ATG7: variants seen among roughly 807,000 people sequenced by gnomAD.
ATG7 encodes the protein ubiquitin-like modifier-activating enzyme ATG7.
A neutral mutation model predicts 82.4 loss-of-function variants in ATG7; 70 were observed. That is an observed-to-expected ratio of 0.85 (90% confidence interval 0.70 to 1.04). ATG7 has a LOEUF of 1.04. Among genes scored for constraint, ATG7 ranks in the 50% least tolerant of loss-of-function variants. ATG7 has a pLI of 0.00. For missense variants in ATG7, 792 were observed against 864.3 expected, an observed-to-expected ratio of 0.92 and a Z score of 1.05; for synonymous variants, 287 against 313.0, an observed-to-expected ratio of 0.92 and a Z score of 0.88.
At chr3:11,303,948 G>T (rs1411183798) in intron 5 of ATG7, among the ~76,000 whole-genome samples, 4 of 149,854 alleles carry the variant, frequency 2.7e-5, no homozygotes, top group Non-Finnish European at 3.0e-5. Context: ...AAAATTAGCC[G>T]GGCGTGGTGG....
chr3:11,517,038 G>A (rs934474362), intron 20 of ATG7, among the ~76,000 whole-genome samples: 17 of 152,072 alleles, frequency 1.1e-4, no homozygotes, highest in African/African-American at 3.6e-4. Context: ...AGCTAAGATC[G>A]CACCACCACA....
At chr3:11,458,290 G>T (rs2085945212) in intron 20 of ATG7, among the ~76,000 whole-genome samples, 1 of 151,966 alleles carries the variant, frequency 6.6e-6, no homozygotes, top group Non-Finnish European at 1.5e-5. Context: ...TTTTGATGGG[G>T]TCTTGCTGTG....
In ATG7 at chr3:11,506,587, C is replaced by CAAAAA. The variant is rs1275955326; in HGVS notation, c.2080-48223_2080-48219dup. ...AAAAAAAAAAAAAAAAAAAAAAACCCAAAAATTAGCTGGGAGTGGTGGCAG... is the reference window on the plus strand; with the variant it reads ...AAAAAAAAAAAAAAAAAAAAAAACCCAAAAAAAAAATTAGCTGGGAGTGGTGGCAG... On this transcript the variant is annotated intron_variant, in intron 20 of 20. Transcript: ENST00000693202. Among the ~76,000 whole-genome samples the CAAAAA allele has an allele frequency of 4.2e-3, 506 of 119,504 alleles. 18 individuals carry two copies. Among genetic ancestry groups the CAAAAA allele is most frequent in the African/African-American group, 0.016 (447 of 28,764 alleles). The allele number at this position is 119,504 out of a possible 152,430, so 78.4% of individuals were successfully genotyped here. A position where few individuals can be genotyped will look rare whatever the true frequency, so the allele number is the denominator to read the frequency against.
chr3:11,463,786 C>T (rs2086568159), intron 20 of ATG7, among the ~76,000 whole-genome samples: 1 of 152,212 alleles, frequency 6.6e-6, no homozygotes, highest in Admixed American at 6.5e-5. Flanking sequence ...AGTTGCCTGG[C>T]ATGCACTGGC....
chr3:11,367,959 C>T (rs766001505), intron 18 of ATG7, among the ~76,000 whole-genome samples: 1 of 151,524 alleles, frequency 6.6e-6, no homozygotes, highest in Non-Finnish European at 1.5e-5. Context: ...AGTCTTATAC[C>T]CAGCACACAG....
chr3:11,305,527 C>G (rs1947580034), intron 5 of ATG7, among the ~76,000 whole-genome samples: 1 of 152,222 alleles, frequency 6.6e-6, no homozygotes, highest in African/African-American at 2.4e-5. Context: ...TGTAGAAGGC[C>G]TAGTTTACCA....
At chr3:11,552,336 C>A (rs1218484520) in intron 20 of ATG7, among the ~76,000 whole-genome samples, 1 of 152,106 alleles carries the variant, frequency 6.6e-6, no homozygotes, top group East Asian at 1.9e-4. Flanking sequence ...TTTTGCCATA[C>A]CCTTGTCGGC....
At chr3:11,363,888 T>C (rs2076430999) in intron 17 of ATG7, among the ~76,000 whole-genome samples, 1 of 152,240 alleles carries the variant, frequency 6.6e-6, no homozygotes, top group Non-Finnish European at 1.5e-5. Flanking sequence ...GTAACTAGTA[T>C]GGGTACTCTG....
chr3:11,426,851 G>A lies in ATG7; in HGVS notation c.2004G>A (p.Val668=), dbSNP rs2082405367. 6.2e-7 allele frequency: 1 copy of A among 1,612,160 alleles called. No individual in the cohort carries two copies. The highest frequency in any genetic ancestry group is 8.5e-7 in the Non-Finnish European group (1 of 1,179,174). ...AAGGATTTAACTTCCTAGCCAAGGT[G>A]TTTAATTCTTCACATTCCTTCTTAG... ...EREGFNFLAK[V]FNSSHSFLED... The change falls in exon 20 of 21, where the codon GTG becomes GTA. Residue 668 remains valine, a synonymous_variant. Transcript: ENST00000693202.
At chr3:11,426,399 C>T (rs1430346356) in intron 19 of ATG7, among the ~76,000 whole-genome samples, 1 of 152,008 alleles carries the variant, frequency 6.6e-6, no homozygotes, top group Non-Finnish European at 1.5e-5. Context: ...TTGGCTAGCT[C>T]GTATGTCACA....
chr3:11,334,816 C>G (rs2606744), intron 11 of ATG7, among the ~76,000 whole-genome samples: 151,851 of 151,852 alleles, frequency 1, 75,925 homozygotes, highest in Non-Finnish European at 1. Flanking sequence ...AAATGAGCTA[C>G]GTGTGGTGGC....
At chr3:11,571,363 C>T in the ATG7 span, among the ~76,000 whole-genome samples, 1 of 152,194 alleles carries the variant, frequency 6.6e-6, no homozygotes, top group Non-Finnish European at 1.5e-5. Flanking sequence ...CACAACCATC[C>T]ACCCACGTAA....
chr3:11,284,208 C>A (rs1392304475), intron 3 of ATG7, among the ~76,000 whole-genome samples: 1 of 152,014 alleles, frequency 6.6e-6, no homozygotes, highest in Non-Finnish European at 1.5e-5. Flanking sequence ...AAAAAATATC[C>A]TACACTTCTT....
rs1354976260 is a variant in ATG7, at chr3:11,298,812, G to C, written c.117G>C (p.Arg39=). The change falls in exon 4 of 21, where the codon CGG becomes CGC. Residue 39 remains arginine, a synonymous_variant. Transcript: ENST00000693202. ...CCCAGAAGAAGCTGAACGAGTATCG[G>C]CTGGATGAAGCTCCCAAGGACATTA... The part of the protein sequence containing the change: ...ELTQKKLNEY[R]LDEAPKDIKG... The C allele has an allele frequency of 6.2e-7, 1 of 1,614,198 alleles. No homozygotes were observed. The highest frequency in any genetic ancestry group is 8.5e-7 in the Non-Finnish European group (1 of 1,180,028).
chr3:11,547,080 G>T (rs1332553010), intron 20 of ATG7, among the ~76,000 whole-genome samples: 1 of 152,338 alleles, frequency 6.6e-6, no homozygotes, highest in African/African-American at 2.4e-5. Context: ...TTGTGCATTT[G>T]CGTGACAGGC....
At chr3:11,418,977 T>A (rs958917150) in intron 19 of ATG7, among the ~76,000 whole-genome samples, 1 of 151,484 alleles carries the variant, frequency 6.6e-6, no homozygotes, top group Non-Finnish European at 1.5e-5. Flanking sequence ...TCCCCCCCGA[T>A]CCAGTCACCG....
chr3:11,394,628 G>A (rs2079065734), intron 19 of ATG7, among the ~76,000 whole-genome samples: 1 of 152,158 alleles, frequency 6.6e-6, no homozygotes. Context: ...CTTGACTTTG[G>A]GTTGGAACTC....
At chr3:11,542,945 G>A (rs537674650) in intron 20 of ATG7, among the ~76,000 whole-genome samples, 1 of 152,298 alleles carries the variant, frequency 6.6e-6, no homozygotes, top group East Asian at 1.9e-4. Flanking sequence ...TTTGTAGGGG[G>A]AGTGGGGAGG....
At chr3:11,405,401 C>T (rs1173919735) in intron 19 of ATG7, among the ~76,000 whole-genome samples, 1 of 152,030 alleles carries the variant, frequency 6.6e-6, no homozygotes, top group Non-Finnish European at 1.5e-5. Context: ...GTTGAAATGC[C>T]AAAAAGCTTA....
Sources: allele counts gnomAD v4.1 joint callset (sites outside exome capture counted in the v4.1 genomes callset), GRCh38; gene constraint gnomAD v4.1.1; transcripts MANE v1.5; gene names NCBI Gene and HGNC (gene_info 2026-07-23, HGNC 2026-07-21).